RMDN2: variants seen among roughly 807,000 people sequenced by gnomAD.
RMDN2 encodes regulator of microtubule dynamics 2.
A neutral mutation model predicts 52.8 loss-of-function variants in RMDN2; 61 were observed. The ratio of observed to expected loss-of-function variants is 1.16; its 90% confidence interval spans 0.94 to 1.43. The LOEUF (loss-of-function observed/expected upper bound fraction) is 1.43, where lower values mean the gene tolerates loss of function less well. Among genes scored for constraint, RMDN2 ranks in the 40% most tolerant of loss-of-function variants. RMDN2 has a pLI of 0.00. For missense variants in RMDN2, 592 were observed against 475.3 expected, an observed-to-expected ratio of 1.25 and a Z score of -2.28; for synonymous variants, 180 against 153.1, an observed-to-expected ratio of 1.18 and a Z score of -1.30.
chr2:37,977,451 G>T (rs1173731722), intron 4 of RMDN2, among the ~76,000 whole-genome samples: 1 of 151,202 alleles, frequency 6.6e-6, no homozygotes, highest in Non-Finnish European at 1.5e-5. Flanking sequence ...AGACGGGGCG[G>T]CTGGCTGGGC....
intron 2 of RMDN2, among the ~76,000 whole-genome samples, chr2:37,945,315 T>A (rs1232604867): frequency 6.6e-6 from 1 of 152,256 alleles, no homozygotes; most frequent in African/African-American, 2.4e-5. Context: ...GCAGCCACTA[T>A]GAACTATACT....
At chr2:37,935,221 A>T (rs557702939) in intron 2 of RMDN2, among the ~76,000 whole-genome samples, 1 of 152,368 alleles carries the variant, frequency 6.6e-6, no homozygotes, top group African/African-American at 2.4e-5. Flanking sequence ...ATTGCCTTAG[A>T]TAATATTACT....
chr2:37,997,900 C>A (rs757111145), intron 8 of RMDN2: 5 of 170,166 alleles, frequency 2.9e-5, no homozygotes, highest in Non-Finnish European at 5.0e-5. Context: ...TAACATAGAA[C>A]CAGTTTAATC....
At chr2:37,946,279 G>C (rs1265260627) in intron 2 of RMDN2, among the ~76,000 whole-genome samples, 2 of 152,124 alleles carry the variant, frequency 1.3e-5, no homozygotes, top group Admixed American at 1.3e-4. Context: ...GAAGTTGAAA[G>C]AGTTCCTGCC....
rs190498785 is a variant in RMDN2 at position 37,976,850 on chromosome 2, A to T, written c.730+1536A>T. On this transcript the variant is annotated intron_variant, in intron 4 of 10. Coordinates refer to ENST00000354545, the MANE Select transcript of RMDN2 (RefSeq NM_001170791.3). The stretch of plus-strand genomic sequence containing the variant: ...AATACATTTTTTTCTTTTTTTTTTT[A>T]AATTTTTTTAGTATTTATTGATCAT... Among the ~76,000 whole-genome samples, 859 of 150,090 alleles carry T rather than the reference A, an allele frequency of 5.7e-3. 7 individuals are homozygous for T. Among genetic ancestry groups the T allele is most frequent in the African/African-American group, 0.017 (700 of 40,810 alleles).
At chr2:37,952,168 A>T (rs1668910536) in intron 2 of RMDN2, 1 of 1,613,148 alleles carries the variant, frequency 6.2e-7, no homozygotes, top group Non-Finnish European at 8.5e-7. Flanking sequence ...CAAGATGAAG[A>T]CAGATCTTCA....
intron 4 of RMDN2, among the ~76,000 whole-genome samples, chr2:37,980,606 AAATT>A (rs1471934647): frequency 1.3e-5 from 2 of 152,094 alleles, no homozygotes; most frequent in Non-Finnish European, 2.9e-5. Flanking sequence ...GTCCAGCCCC[AAATT>A]AATTATTACA....
At chr2:37,948,194 A>G (rs550034007) in intron 2 of RMDN2, among the ~76,000 whole-genome samples, 1 of 152,298 alleles carries the variant, frequency 6.6e-6, no homozygotes, top group Admixed American at 6.5e-5. Flanking sequence ...GCGAATCAGA[A>G]TGTCTGGGAG....
intron 10 of RMDN2, among the ~76,000 whole-genome samples, chr2:38,024,733 A>G (rs746590221): frequency 6.6e-6 from 1 of 152,142 alleles, no homozygotes; most frequent in Admixed American, 6.5e-5. Context: ...CTTGCAATCT[A>G]TCTAATACTC....
intron 10 of RMDN2, among the ~76,000 whole-genome samples, chr2:38,032,214 T>C (rs1314382856): frequency 6.6e-6 from 1 of 152,072 alleles, no homozygotes; most frequent in Non-Finnish European, 1.5e-5. Context: ...AGCATGACCA[T>C]CGCTCCAAAA....
intron 10 of RMDN2, among the ~76,000 whole-genome samples, chr2:38,031,268 T>C (rs1680181550): frequency 6.8e-6 from 1 of 146,890 alleles, no homozygotes; most frequent in South Asian, 2.2e-4. Context: ...TTTTTTTTTT[T>C]TTTTTTTTTT....
In RMDN2 at chr2:37,991,251, C is replaced by T; in HGVS notation, c.899C>T (p.Pro300Leu). The change falls in exon 7 of 11, where the codon CCA (proline) becomes CTA (leucine). Residue 300 changes from proline (P) to leucine (L), a missense_variant. Coordinates refer to ENST00000354545, the MANE Select transcript of RMDN2 (RefSeq NM_001170791.3). ...EHLDIAIKLLPEEPFLYYLKG... is the reference protein window; with the variant it reads ...EHLDIAIKLLLEEPFLYYLKG... ...CTAGATATAGCAATCAAACTTTTAC[C>T]AGAGGAACCCTTTCTATATTACCTC... 1 of 1,589,742 alleles carries T rather than the reference C, an allele frequency of 6.3e-7. No homozygotes were observed. The highest frequency in any genetic ancestry group is 8.6e-7 in the Non-Finnish European group (1 of 1,167,022).
At chr2:38,059,795 A>G (rs1171029528) in intron 10 of RMDN2, among the ~76,000 whole-genome samples, 3 of 152,156 alleles carry the variant, frequency 2.0e-5, no homozygotes, top group Non-Finnish European at 4.4e-5. Context: ...ACTCCCCTAC[A>G]CTCTGTTGCA....
intron 2 of RMDN2, among the ~76,000 whole-genome samples, chr2:37,935,145 C>A (rs928401615): frequency 1.3e-5 from 2 of 151,946 alleles, no homozygotes; most frequent in African/African-American, 2.4e-5. Flanking sequence ...ACTGATTATT[C>A]GAAAATAACA....
chr2:38,042,443 C>A (rs375041604), intron 10 of RMDN2, among the ~76,000 whole-genome samples: 5 of 103,216 alleles, frequency 4.8e-5, no homozygotes, highest in South Asian at 4.4e-4. Context: ...CACACACACA[C>A]CACACACACA....
intron 2 of RMDN2, among the ~76,000 whole-genome samples, chr2:37,936,186 G>A (rs79201704): frequency 0.23 from 35,259 of 152,004 alleles, 4,174 homozygotes; most frequent in African/African-American, 0.24. Flanking sequence ...GCTGAGAATG[G>A]TGGTTTCCAG....
In RMDN2 at chr2:38,033,465, A is replaced by G. The variant is rs764165036; in HGVS notation, c.1713+29249A>G. On this transcript the variant is annotated intron_variant, in intron 10 of 10. Transcript: ENST00000234195. ...GTCCTTCTACCTCTCTTGCTCTGCT[A>G]TACTTAAAGAAACTCCTAGTGATAC... 2.6e-5 allele frequency among the ~76,000 whole-genome samples: 4 copies of G among 152,218 alleles called. No individual in the cohort carries two copies. The East Asian group carries it at 7.7e-4, about 29-fold the overall frequency.
chr2:37,964,159 G>A (rs1042152760), intron 2 of RMDN2, among the ~76,000 whole-genome samples: 2 of 151,770 alleles, frequency 1.3e-5, no homozygotes, highest in African/African-American at 4.8e-5. Flanking sequence ...CCGGGCGGAG[G>A]GGCTCCTCAC....
intron 10 of RMDN2, among the ~76,000 whole-genome samples, chr2:38,041,427 G>GTTTTTTTT (rs3057329): frequency 4.2e-5 from 5 of 120,092 alleles, no homozygotes; most frequent in East Asian, 5.3e-4. Flanking sequence ...TTTTTTATTG[G>GTTTTTTTT]TTTTTTTTTT....
Sources: gnomAD v4.1 joint callset for allele counts (sites outside exome capture counted in the v4.1 genomes callset) on GRCh38, gnomAD v4.1.1 for gene constraint, MANE v1.5 for transcripts, NCBI Gene and HGNC (gene_info 2026-07-23, HGNC 2026-07-21) for gene names.